SUCO: variants seen among roughly 807,000 people sequenced by gnomAD.
SUCO encodes SUN domain containing ossification factor.
In SUCO, 57 loss-of-function variants were observed where a neutral mutation model predicts 148.1. The ratio of observed to expected loss-of-function variants is 0.38; its 90% CI spans 0.31 to 0.48. The LOEUF is 0.48. Among genes scored for constraint, SUCO ranks in the 20% least tolerant of loss-of-function variants. The pLI, the probability that SUCO is intolerant of heterozygous loss-of-function variation, is 0.96. For missense variants in SUCO, 1,331 were observed against 1,468.2 expected (o/e 0.91, Z 1.53); for synonymous variants, 470 against 502.7 (o/e 0.93, Z 0.87).
At chr1:172,601,243 G>A (rs1018342081) in intron 20 of SUCO, among the ~76,000 whole-genome samples, 2 of 152,084 alleles carry the variant, frequency 1.3e-5, no homozygotes, top group East Asian at 1.9e-4. Flanking sequence ...TAATCCCAGC[G>A]CTTTGGGTGG....
At chr1:172,552,918 CAAA>C (rs1653412517) in intron 2 of SUCO, among the ~76,000 whole-genome samples, 1 of 151,824 alleles carries the variant, frequency 6.6e-6, no homozygotes, top group Middle Eastern at 3.2e-3. Context: ...GAATGTATGT[CAAA>C]AAAGAGATGA....
intron 15 of SUCO, chr1:172,584,218 G>A (rs531757281): frequency 6.0e-6 from 1 of 165,656 alleles, no homozygotes; most frequent in East Asian, 1.9e-4. Context: ...AATGTTTTCT[G>A]CTTTTTTTTG....
chr1:172,541,422 C>T (rs998117010), intron 1 of SUCO, among the ~76,000 whole-genome samples: 4 of 152,226 alleles, frequency 2.6e-5, no homozygotes, highest in African/African-American at 4.8e-5. Flanking sequence ...TTGGTATCTT[C>T]GGATCCTGGA....
At chr1:172,588,683 C>T in intron 17 of SUCO, 77 bp from the exon 18 acceptor site, 2 of 1,290,938 alleles carry the variant, frequency 1.5e-6, no homozygotes, top group Non-Finnish European at 2.0e-6. Flanking sequence ...TGTATGGATA[C>T]ATTTATTTTT....
intron 17 of SUCO, chr1:172,588,467 T>G: frequency 9.1e-6 from 9 of 985,268 alleles, no homozygotes; most frequent in Non-Finnish European, 1.1e-5. Flanking sequence ...ATGGAAGTAT[T>G]CACTTAGAAA....
intron 6 of SUCO, among the ~76,000 whole-genome samples, chr1:172,561,069 C>T (rs1654114648): frequency 1.3e-5 from 2 of 152,374 alleles, no homozygotes; most frequent in East Asian, 1.9e-4. Flanking sequence ...GGAGAAGCCA[C>T]CATGTATGGT....
At chr1:172,545,652 C>T (rs1022330838) in intron 1 of SUCO, among the ~76,000 whole-genome samples, 2 of 152,142 alleles carry the variant, frequency 1.3e-5, no homozygotes, top group African/African-American at 4.8e-5. Context: ...TAGATTTCAG[C>T]AGGCTGAGGA....
chr1:172,578,963 A>G (rs1655665105), intron 14 of SUCO, among the ~76,000 whole-genome samples: 1 of 152,088 alleles, frequency 6.6e-6, no homozygotes, highest in African/African-American at 2.4e-5. Context: ...AAAACGTCTT[A>G]TAAATGTGGT....
upstream of SUCO, chr1:172,532,995 G>C: frequency 7.1e-7 from 1 of 1,408,192 alleles, no homozygotes; most frequent in Non-Finnish European, 9.3e-7. Context: ...TGGTGGGGGT[G>C]CGGGCGCCGC....
chr1:172,572,195 G>A (rs1216123266), intron 9 of SUCO, among the ~76,000 whole-genome samples: 1 of 147,812 alleles, frequency 6.8e-6, no homozygotes, highest in Non-Finnish European at 1.5e-5. Context: ...CCGTTTGGGA[G>A]GTGTACCCAA....
rs778364413 is a variant in SUCO, at chr1:172,557,372, C to G, written c.536C>G (p.Ala179Gly). 4 of 1,613,990 alleles carry G rather than the reference C, an allele frequency of 2.5e-6. No homozygotes were observed. Among genetic ancestry groups the G allele is most frequent in the Non-Finnish European group, 3.4e-6 (4 of 1,179,918 alleles). The change falls in exon 5 of 24, where the codon GCT (alanine) becomes GGT (glycine). Residue 179 changes from alanine (A) to glycine (G), a missense_variant. Coordinates refer to ENST00000263688, the MANE Select transcript of SUCO (RefSeq NM_014283.5). ...TGTGATGTTGGTGAGGCCCTTGATG[C>G]TAGTGCTCCAATTGAACAACCTTCC... is the stretch of plus-strand genomic sequence containing the variant. ...TDCDVGEALD[A>G]SAPIEQPSFV...
At chr1:172,543,623 A>C (rs1239872579) in intron 1 of SUCO, among the ~76,000 whole-genome samples, 4 of 152,150 alleles carry the variant, frequency 2.6e-5, no homozygotes, top group Admixed American at 6.5e-5. Flanking sequence ...GATATGTGGA[A>C]TATTAAGCTA....
At position 172,607,510 on chromosome 1, in the gene SUCO, C is replaced by T. The variant is rs190617581; in HGVS notation, c.3266-1237C>T. Among the ~76,000 whole-genome samples, 153 of 151,784 alleles carry T rather than the reference C, an allele frequency of 1.0e-3. 2 individuals are homozygous for T. The highest frequency in any genetic ancestry group is 2.3e-3 in the Admixed American group (35 of 15,218). ...ATTTCTGATCCATTCCCTTATGATA[C>T]CATCAGAACCAAAGTTCATATATTC... On this transcript the variant is annotated intron_variant, in intron 22 of 23. Transcript: ENST00000263688.
chr1:172,594,900 TG>T (rs758027290), intron 19 of SUCO, among the ~76,000 whole-genome samples: 20 of 152,338 alleles, frequency 1.3e-4, no homozygotes, highest in Non-Finnish European at 2.5e-4. Context: ...CATTATTGTG[TG>T]GGAGTCTGAG....
rs546804422 is a variant in SUCO, at chr1:172,556,909, C to A, written c.444-371C>A. The A allele has an allele frequency of 1.5e-4, 143 of 950,898 alleles. No individual in the cohort carries two copies. The Middle Eastern group carries it at 2.2e-3, about 14-fold the overall frequency. The allele number at this position is 950,898 out of a possible 1,614,324, so 58.9% of individuals were successfully genotyped here. On this transcript the variant is annotated intron_variant, in intron 4 of 23. Transcript: ENST00000263688. ...AGGTTTATATTTTAAAAACGAAATTCTAAGAACACCTTAAAATTTTAGTGA... is the reference window on the plus strand; with the variant it reads ...AGGTTTATATTTTAAAAACGAAATTATAAGAACACCTTAAAATTTTAGTGA...
At chr1:172,542,828 T>G (rs1652577950) in intron 1 of SUCO, 1 of 985,248 alleles carries the variant, frequency 1.0e-6, no homozygotes, top group Non-Finnish European at 1.2e-6. Context: ...CTGGAAAGGA[T>G]GGATGGAAAG....
At chr1:172,597,160 G>A (rs190362715) in intron 19 of SUCO, among the ~76,000 whole-genome samples, 32 of 152,334 alleles carry the variant, frequency 2.1e-4, no homozygotes, top group Admixed American at 6.5e-4. Flanking sequence ...GGGTGGGAGC[G>A]TCTCAATTTT....
intron 20 of SUCO, among the ~76,000 whole-genome samples, chr1:172,601,242 C>T (rs1000956730): frequency 6.6e-6 from 1 of 152,112 alleles, no homozygotes; most frequent in African/African-American, 2.4e-5. Context: ...GTAATCCCAG[C>T]GCTTTGGGTG....
intron 22 of SUCO, among the ~76,000 whole-genome samples, chr1:172,607,481 C>A (rs370324471): frequency 6.6e-6 from 1 of 151,600 alleles, no homozygotes; most frequent in Non-Finnish European, 1.5e-5. Flanking sequence ...GGCCCTAGGA[C>A]CTGATTTCTG....
Sources: allele counts gnomAD v4.1 joint callset (sites outside exome capture counted in the v4.1 genomes callset), GRCh38; gene constraint gnomAD v4.1.1; transcripts MANE v1.5; gene names NCBI Gene and HGNC (gene_info 2026-07-23, HGNC 2026-07-21).